WASHC5: variants seen among roughly 807,000 people sequenced by gnomAD.
The protein encoded by WASHC5 is WASH complex subunit 5.
A neutral mutation model predicts 150.4 loss-of-function variants in WASHC5; 101 were observed. The observed-to-expected ratio is 0.67, with a 90% confidence interval of 0.57 to 0.79. The LOEUF is 0.79. Ranked by LOEUF, WASHC5 falls within the 30% of genes least tolerant of loss-of-function variation. The pLI is 0.00. For missense variants in WASHC5, 1,195 were observed against 1,396.3 expected, an observed-to-expected ratio of 0.86 and a Z score of 2.30; for synonymous variants, 467 against 491.2, an observed-to-expected ratio of 0.95 and a Z score of 0.65.
At chr8:125,086,757 G>T (rs756269851) in intron 1 of WASHC5, among the ~76,000 whole-genome samples, 3 of 152,154 alleles carry the variant, frequency 2.0e-5, no homozygotes, top group Admixed American at 1.3e-4. Flanking sequence ...TTGGGTGTCC[G>T]AAGCTGCCAT....
chr8:125,046,882 G>C (rs1586348683), intron 20 of WASHC5, among the ~76,000 whole-genome samples: 1 of 152,170 alleles, frequency 6.6e-6, no homozygotes, highest in South Asian at 2.1e-4. Flanking sequence ...GCTCCTATGA[G>C]AATCTAGTAC....
In WASHC5 at chr8:125,081,576, T is replaced by C. The variant is rs139874325; in HGVS notation, c.518+85A>G. 1.1e-4 allele frequency: 90 copies of C among 811,316 alleles called. No individual in the cohort carries two copies. In the African/African-American group the frequency reaches 1.3e-3, roughly 12 times the overall value. The allele number at this position is 811,316 out of a possible 1,614,324, so 50.3% of individuals were successfully genotyped here. A position where few individuals can be genotyped will look rare whatever the true frequency, so the allele number is the denominator to read the frequency against. On this transcript the variant is annotated intron_variant, in intron 5 of 28. Transcript: ENST00000318410. ...TTCTTATCTATTCTTGGATTACTGC[T>C]GTTCACAGTATAAGGAATATGGGGA... is the stretch of plus-strand genomic sequence containing the variant.
intron 12 of WASHC5, among the ~76,000 whole-genome samples, 191 bp downstream of exon 12, chr8:125,060,891 C>T (rs554004432): frequency 3.0e-4 from 46 of 151,862 alleles, no homozygotes; most frequent in Non-Finnish European, 2.9e-5. Flanking sequence ...TTTTTGCTAC[C>T]ATTCTCTTCA....
intron 28 of WASHC5, among the ~76,000 whole-genome samples, chr8:125,026,626 CTG>C (rs761341771): frequency 2.6e-5 from 4 of 152,008 alleles, no homozygotes; most frequent in Non-Finnish European, 5.9e-5. Flanking sequence ...ATTTTTTTAA[CTG>C]TGTGAACTTA....
intron 26 of WASHC5, among the ~76,000 whole-genome samples, chr8:125,034,380 C>A (rs980176305): frequency 6.6e-6 from 1 of 152,054 alleles, no homozygotes; most frequent in Non-Finnish European, 1.5e-5. Flanking sequence ...ATGCTTGTAG[C>A]CTGTAATTCC....
At chr8:125,066,582 T>G (rs1032207049) in intron 10 of WASHC5, among the ~76,000 whole-genome samples, 5 of 152,142 alleles carry the variant, frequency 3.3e-5, no homozygotes, top group Admixed American at 2.6e-4. Context: ...AAGATGACCT[T>G]GTACAAATGC....
chr8:125,071,394 G>A (rs529526196), intron 9 of WASHC5, among the ~76,000 whole-genome samples: 1 of 152,282 alleles, frequency 6.6e-6, no homozygotes, highest in South Asian at 2.1e-4. Flanking sequence ...GAAGGTCTCG[G>A]AGGAGACCAT....
chr8:125,047,832 G>C (rs1347336570), intron 19 of WASHC5, among the ~76,000 whole-genome samples: 2 of 151,750 alleles, frequency 1.3e-5, no homozygotes, highest in African/African-American at 4.8e-5. Flanking sequence ...TTACAGGTGT[G>C]AGTCACTGTG....
chr8:125,079,626 G>A (rs1180019252), intron 5 of WASHC5, among the ~76,000 whole-genome samples: 4 of 152,124 alleles, frequency 2.6e-5, no homozygotes, highest in African/African-American at 9.7e-5. Context: ...AGAGTCATAT[G>A]GCATATAGAT....
At chr8:125,083,638 A>G in intron 2 of WASHC5, 75 bp downstream of exon 2, 1 of 1,182,524 alleles carries the variant, frequency 8.5e-7, no homozygotes, top group Non-Finnish European at 1.2e-6. Flanking sequence ...TTAACCTTAC[A>G]GAGTTTCATG....
At chr8:125,064,351 C>A (rs978717626) in intron 10 of WASHC5, among the ~76,000 whole-genome samples, 6 of 151,090 alleles carry the variant, frequency 4.0e-5, no homozygotes, top group Admixed American at 1.3e-4. Context: ...TATGGGCATG[C>A]GCCACTACAC....
chr8:125,063,446 A>C (rs1586366994), intron 11 of WASHC5, 76 bp downstream of exon 11: 1 of 1,465,044 alleles, frequency 6.8e-7, no homozygotes, highest in East Asian at 2.3e-5. Flanking sequence ...AGTCTTTTTA[A>C]CCTGCCAGTT....
At position 125,091,745 on chromosome 8, in the gene WASHC5, G is replaced by C. The variant is rs1311707696; in HGVS notation, c.-255C>G. 6.6e-6 allele frequency: 1 copy of C among 152,376 alleles called. No homozygotes were observed. The highest frequency in any genetic ancestry group is 1.5e-5 in the Non-Finnish European group (1 of 68,154). 9.4% of individuals were successfully genotyped at this position (152,376 alleles called of 1,614,324 possible). ...GCAGTCCCGGACCTGGAGCGGGTCA[G>C]ACCCCGACTTCCGCCCCTGACTCCC... is the stretch of plus-strand genomic sequence containing the variant. On this transcript the variant is annotated 5_prime_UTR_variant, in exon 1 of 29. Coordinates refer to ENST00000318410, the MANE Select transcript of WASHC5 (RefSeq NM_014846.4).
chr8:125,064,317 C>T (rs1816686459), intron 10 of WASHC5, among the ~76,000 whole-genome samples: 1 of 152,064 alleles, frequency 6.6e-6, no homozygotes, highest in African/African-American at 2.4e-5. Flanking sequence ...ATCCTCCTGC[C>T]TCAGCCTCTC....
chr8:125,041,801 C>A (rs1377405516), intron 23 of WASHC5, among the ~76,000 whole-genome samples: 3 of 152,038 alleles, frequency 2.0e-5, no homozygotes, highest in Non-Finnish European at 4.4e-5. Context: ...AACGTCAATC[C>A]AAAAATGCTA....
intron 28 of WASHC5, among the ~76,000 whole-genome samples, chr8:125,025,076 A>G (rs73704517): frequency 0.16 from 24,726 of 151,878 alleles, 3,733 homozygotes; most frequent in African/African-American, 0.4. Context: ...AGGGGAGGGC[A>G]GGAATGAGAA....
At chr8:125,024,886 C>T (rs2129932356) in intron 28 of WASHC5, among the ~76,000 whole-genome samples, 1 of 152,074 alleles carries the variant, frequency 6.6e-6, no homozygotes, top group East Asian at 1.9e-4. Context: ...TGAGGGGATG[C>T]AGTACAGCTC....
chr8:125,051,031 G>C (rs1217705563), intron 17 of WASHC5, among the ~76,000 whole-genome samples: 2 of 152,190 alleles, frequency 1.3e-5, no homozygotes, highest in East Asian at 3.9e-4. Flanking sequence ...TGGAGGGGCA[G>C]GATGAAGGAC....
At chr8:125,034,188 C>A (rs1815628281) in intron 26 of WASHC5, among the ~76,000 whole-genome samples, 1 of 152,076 alleles carries the variant, frequency 6.6e-6, no homozygotes, top group African/African-American at 2.4e-5. Flanking sequence ...CAACAAGATA[C>A]CATAGATACC....
Sources: gnomAD v4.1 joint callset for allele counts (sites outside exome capture counted in the v4.1 genomes callset) on GRCh38, gnomAD v4.1.1 for gene constraint, MANE v1.5 for transcripts, NCBI Gene and HGNC (gene_info 2026-07-23, HGNC 2026-07-21) for gene names.